The following GRIK2 variants were observed in gnomAD, a reference collection of about 807,000 sequenced individuals.
GRIK2 encodes the protein glutamate receptor ionotropic, kainate 2.
A neutral mutation model predicts 100.3 loss-of-function variants in GRIK2; 32 were observed. The ratio of observed to expected loss-of-function variants is 0.32; its 90% CI spans 0.24 to 0.43. GRIK2 has a LOEUF of 0.43. GRIK2 is among the 20% of genes least tolerant of loss of function. GRIK2 has a pLI of 1.00. For missense variants in GRIK2, 843 were observed against 1,114.9 expected, an observed-to-expected ratio of 0.76 and a Z score of 3.47; for synonymous variants, 417 against 389.4, an observed-to-expected ratio of 1.07 and a Z score of -0.83.
intron 7 of GRIK2, among the ~76,000 whole-genome samples, chr6:101,761,839 C>CTTTGTTTGTTTCT (rs1410630051): frequency 8.0e-6 from 1 of 125,688 alleles, no homozygotes. Context: ...CCTTTGTTTC[C>CTTTGTTTGTTTCT]TTTCCTTCCT....
chr6:101,688,262 A>G (rs934412893), intron 7 of GRIK2, among the ~76,000 whole-genome samples: 2 of 151,626 alleles, frequency 1.3e-5, no homozygotes, highest in South Asian at 4.1e-4. Flanking sequence ...TTACACTTTT[A>G]TATATTTACT....
intron 11 of GRIK2, among the ~76,000 whole-genome samples, chr6:101,874,269 T>C (rs1254628576): frequency 6.6e-6 from 1 of 152,168 alleles, no homozygotes; most frequent in Admixed American, 6.5e-5. Context: ...GAATTAATTT[T>C]TGTATAAGGT....
chr6:101,845,804 C>G (rs1214837561), intron 10 of GRIK2, among the ~76,000 whole-genome samples: 2 of 152,088 alleles, frequency 1.3e-5, no homozygotes, highest in Non-Finnish European at 2.9e-5. Context: ...TCTATTTTCT[C>G]TATATCCTCA....
chr6:101,825,143 C>T (rs1260117973), intron 10 of GRIK2, among the ~76,000 whole-genome samples: 1 of 152,142 alleles, frequency 6.6e-6, no homozygotes, highest in East Asian at 1.9e-4. Context: ...TATTTTCCTT[C>T]TCAGCAATCT....
intron 14 of GRIK2, among the ~76,000 whole-genome samples, chr6:101,957,125 A>G (rs960623693): frequency 6.6e-6 from 1 of 151,886 alleles, no homozygotes; most frequent in Non-Finnish European, 1.5e-5. Flanking sequence ...GTGTATAAGC[A>G]TTCACTTTTT....
chr6:101,516,582 T>C lies in GRIK2; in HGVS notation c.116-105367T>C, dbSNP rs111464808. Among the ~76,000 whole-genome samples the C allele has an allele frequency of 4.6e-4, 70 of 152,172 alleles. 1 individual carries two copies. Among genetic ancestry groups the C allele is most frequent in the Middle Eastern group, 3.4e-3 (1 of 294 alleles). On this transcript the variant is annotated intron_variant, in intron 2 of 16. Coordinates refer to ENST00000369134, the MANE Select transcript of GRIK2 (RefSeq NM_021956.5). Reference sequence around the variant, plus strand: ...CCTCATCTCTCACCTTATACAAAAATCAACTCAAAATATGGATTAAGGACT... The same window carrying C: ...CCTCATCTCTCACCTTATACAAAAACCAACTCAAAATATGGATTAAGGACT...
intron 11 of GRIK2, among the ~76,000 whole-genome samples, chr6:101,883,707 A>G (rs1786422717): frequency 6.6e-6 from 1 of 152,126 alleles, no homozygotes; most frequent in Non-Finnish European, 1.5e-5. Flanking sequence ...AGAATAAGCC[A>G]TTTGTGTGTA....
intron 10 of GRIK2, among the ~76,000 whole-genome samples, chr6:101,858,784 A>G (rs1045070099): frequency 6.6e-6 from 1 of 151,998 alleles, no homozygotes; most frequent in Non-Finnish European, 1.5e-5. Context: ...AAATGTGATT[A>G]TATATATAAA....
chr6:101,671,821 G>C (rs1189939680), intron 4 of GRIK2, among the ~76,000 whole-genome samples: 1 of 152,066 alleles, frequency 6.6e-6, no homozygotes, highest in African/African-American at 2.4e-5. Context: ...CCAAGATCGC[G>C]CAATTGCACT....
At chr6:101,535,349 TATA>T (rs1440805559) in intron 2 of GRIK2, among the ~76,000 whole-genome samples, 1 of 151,738 alleles carries the variant, frequency 6.6e-6, no homozygotes, top group Non-Finnish European at 1.5e-5. Context: ...ACTAACAGAA[TATA>T]ACTGCTTGGT....
intron 2 of GRIK2, among the ~76,000 whole-genome samples, chr6:101,541,885 T>A (rs1309407897): frequency 1.3e-5 from 2 of 149,314 alleles, no homozygotes; most frequent in African/African-American, 5.0e-5. Flanking sequence ...TCTCCCTCAC[T>A]TCATCTTCTC....
intron 11 of GRIK2, among the ~76,000 whole-genome samples, chr6:101,877,949 A>T (rs1307801728): frequency 6.6e-6 from 1 of 151,534 alleles, no homozygotes; most frequent in Non-Finnish European, 1.5e-5. Context: ...GATCTTAGAC[A>T]ACTTGGTTAT....
At chr6:102,032,776 T>A (rs1309908695) in intron 14 of GRIK2, among the ~76,000 whole-genome samples, 3 of 151,336 alleles carry the variant, frequency 2.0e-5, no homozygotes, top group Non-Finnish European at 4.4e-5. Flanking sequence ...TTAGTCTTTA[T>A]ATTTTCAGTT....
intron 2 of GRIK2, among the ~76,000 whole-genome samples, chr6:101,506,599 A>G (rs1024655244): frequency 2.0e-5 from 3 of 152,158 alleles, no homozygotes; most frequent in African/African-American, 7.2e-5. Flanking sequence ...GGTCACTTAT[A>G]GGTGTTTTTA....
At position 101,399,284 on chromosome 6, in the gene GRIK2, A is replaced by T; in HGVS notation, c.7A>T (p.Ile3Phe). Residue 3 changes from isoleucine (I) to phenylalanine (F), a missense_variant, in exon 2 of 17, where the codon ATT becomes TTT. By Grantham distance (21) the Ile-to-Phe change is conservative (BLOSUM62 0). Coordinates refer to ENST00000369134, the MANE Select transcript of GRIK2 (RefSeq NM_021956.5). ...GTGTGGGCACAGAAACACCATGAAG[A>T]TTATTTTCCCGATTCTAAGTAATCC... is the stretch of plus-strand genomic sequence containing the variant. MK[I>F]IFPILSNPVF... is the part of the protein sequence containing the mutation. 1 of 1,507,016 alleles carries T rather than the reference A, an allele frequency of 6.6e-7. No individual in the cohort carries two copies. Among genetic ancestry groups the T allele is most frequent in the South Asian group, 1.1e-5 (1 of 88,824 alleles). 93.4% of individuals were successfully genotyped at this position (1,507,016 alleles called of 1,614,324 possible). A position where few individuals can be genotyped will look rare whatever the true frequency, so the allele number is the denominator to read the frequency against.
rs147378323 is a variant in GRIK2, at chr6:101,846,822, A to T, written c.1318-12465A>T. On this transcript the variant is annotated intron_variant, in intron 10 of 16. Transcript: ENST00000369134. ...AATTATTTCTATGATTCTCTTGTAAACTTTTTATATCTACAAAATTGGTAG... is the reference window on the plus strand; with the variant it reads ...AATTATTTCTATGATTCTCTTGTAATCTTTTTATATCTACAAAATTGGTAG... Among the ~76,000 whole-genome samples the T allele has an allele frequency of 4.6e-5, 7 of 151,956 alleles. No individual in the cohort carries two copies. The East Asian group carries it at 1.4e-3, about 29-fold the overall frequency.
Position 101,549,293 on chromosome 6 carries a change from T to C in GRIK2, c.116-72656T>C, listed in dbSNP as rs553044471. 5.8e-5 allele frequency among the ~76,000 whole-genome samples: 7 copies of C among 121,372 alleles called. No homozygotes were observed. The South Asian group carries it at 1.6e-3, about 28-fold the overall frequency. The allele number at this position is 121,372 out of a possible 152,430, so 79.6% of individuals were successfully genotyped here. On this transcript the variant is annotated intron_variant, in intron 2 of 16. Coordinates refer to ENST00000369134, the MANE Select transcript of GRIK2 (RefSeq NM_021956.5). Reference sequence around the variant, plus strand: ...ATGAACTGAAAAAAAAAAAAAAGATTGTATGTAGTATTTCTCTGTGGTAGA... The same window carrying C: ...ATGAACTGAAAAAAAAAAAAAAGATCGTATGTAGTATTTCTCTGTGGTAGA...
At chr6:101,508,093 AT>A (rs11441814) in intron 2 of GRIK2, among the ~76,000 whole-genome samples, 38,471 of 149,478 alleles carry the variant, frequency 0.26, 5,040 homozygotes, top group Middle Eastern at 0.31. Context: ...GATTATTATT[AT>A]TTTTTTTTTT....
Position 101,751,150 on chromosome 6 carries a change from G to C in GRIK2, c.952-48498G>C, listed in dbSNP as rs183588792. ...ATGGGGGTCCCACTATGTTATCCAG[G>C]CTGGTCTCAAACTTGCGGGCTCAAG... On this transcript the variant is annotated intron_variant, in intron 7 of 16. Coordinates refer to ENST00000369134, the MANE Select transcript of GRIK2 (RefSeq NM_021956.5). Among the ~76,000 whole-genome samples the C allele has an allele frequency of 3.6e-3, 551 of 151,956 alleles. 4 individuals carry two copies. The highest frequency in any genetic ancestry group is 0.013 in the African/African-American group (533 of 41,452).
Sources: gnomAD v4.1 joint callset for allele counts (sites outside exome capture counted in the v4.1 genomes callset) on GRCh38, gnomAD v4.1.1 for gene constraint, MANE v1.5 for transcripts, NCBI Gene and HGNC (gene_info 2026-07-23, HGNC 2026-07-21) for gene names.